Variants in ZFAND3 observed in about 807,000 individuals in gnomAD.
ZFAND3 encodes AN1-type zinc finger protein 3.
In ZFAND3, 10 loss-of-function variants were observed where a neutral mutation model predicts 29.6. The observed-to-expected ratio is 0.34, with a 90% CI of 0.21 to 0.57. ZFAND3 has a LOEUF of 0.57. Among genes scored for constraint, ZFAND3 ranks in the 20% least tolerant of loss-of-function variants. ZFAND3 has a pLI of 0.86. For missense variants in ZFAND3, 230 were observed against 304.5 expected (o/e 0.76, Z 1.82); for synonymous variants, 128 against 112.6 (o/e 1.14, Z -0.87).
At chr6:38,013,530 A>T (rs965997733) in intron 2 of ZFAND3, among the ~76,000 whole-genome samples, 1 of 152,206 alleles carries the variant, frequency 6.6e-6, no homozygotes, top group Admixed American at 6.5e-5. Context: ...TAGAAAGCAC[A>T]CAGTATTTGC....
intron 3 of ZFAND3, among the ~76,000 whole-genome samples, chr6:38,080,557 T>A (rs1411648515): frequency 2.0e-5 from 3 of 152,160 alleles, no homozygotes; most frequent in African/African-American, 7.2e-5. Context: ...ATTGGCAGTT[T>A]TACTATTTCC....
In ZFAND3 at chr6:37,952,921, A is replaced by G. The variant is rs972058298; in HGVS notation, c.112+22922A>G. 2.7e-5 allele frequency among the ~76,000 whole-genome samples: 4 copies of G among 147,650 alleles called. No homozygotes were observed. In the East Asian group the frequency reaches 8.0e-4, roughly 30 times the overall value. ...CTTGATGGTCTAGTCTCGGTGGGAA[A>G]TATTCTTCCTGGCTATGTCTAGTTG... On this transcript the variant is annotated intron_variant, in intron 2 of 5. Transcript: ENST00000287218.
intron 2 of ZFAND3, among the ~76,000 whole-genome samples, chr6:38,045,694 G>A (rs1354511916): frequency 6.6e-6 from 1 of 152,092 alleles, no homozygotes; most frequent in African/African-American, 2.4e-5. Flanking sequence ...TCTAATAAGA[G>A]TAGTTGAGTA....
chr6:38,023,704 T>C (rs1173260559), intron 2 of ZFAND3, among the ~76,000 whole-genome samples: 1 of 152,230 alleles, frequency 6.6e-6, no homozygotes, highest in Non-Finnish European at 1.5e-5. Context: ...CTTTTACTTG[T>C]CTGGAAAAAT....
At chr6:37,833,653 C>T (rs1461189814) in intron 1 of ZFAND3, among the ~76,000 whole-genome samples, 4 of 151,776 alleles carry the variant, frequency 2.6e-5, no homozygotes, top group African/African-American at 9.7e-5. Flanking sequence ...AGTGAAACCT[C>T]GTCTCTACTA....
At chr6:38,061,462 G>A (rs1340782925) in intron 2 of ZFAND3, 131 bp from the exon 3 acceptor site, 36 of 1,141,154 alleles carry the variant, frequency 3.2e-5, no homozygotes, top group Non-Finnish European at 4.4e-5. Context: ...TACTCCCATG[G>A]TTTTTTAGTC....
rs536899131 is a variant in ZFAND3 at position 38,154,515 on chromosome 6, A to G, written c.*2126A>G. 4.1e-6 allele frequency: 4 copies of G among 981,148 alleles called. No individual in the cohort carries two copies. The highest frequency in any genetic ancestry group is 1.1e-4 in the East Asian group (1 of 8,784). The allele number at this position is 981,148 out of a possible 1,614,324, so 60.8% of individuals were successfully genotyped here. ...TTGTGTTCTAGATTTACTTACACAC[A>G]TAGCCTAGAGCTCAGTTTTAGTTTT... is the stretch of plus-strand genomic sequence containing the variant. On this transcript the variant is annotated 3_prime_UTR_variant, in exon 6 of 6. Transcript: ENST00000287218.
chr6:38,021,480 A>G (rs2127447592), intron 2 of ZFAND3, among the ~76,000 whole-genome samples: 1 of 152,324 alleles, frequency 6.6e-6, no homozygotes, highest in East Asian at 1.9e-4. Flanking sequence ...CCCCAGGACT[A>G]GAATTTTTCA....
chr6:38,077,594 A>G (rs1764579923), intron 3 of ZFAND3, among the ~76,000 whole-genome samples: 2 of 152,056 alleles, frequency 1.3e-5, no homozygotes, highest in African/African-American at 2.4e-5. Context: ...GTGGTAGTCT[A>G]TTTTTTTCTA....
intron 1 of ZFAND3, among the ~76,000 whole-genome samples, chr6:37,925,835 T>C (rs1761475023): frequency 6.6e-6 from 1 of 152,244 alleles, no homozygotes; most frequent in African/African-American, 2.4e-5. Flanking sequence ...TTTGAAATAC[T>C]AAGTTTGAGT....
intron 4 of ZFAND3, among the ~76,000 whole-genome samples, chr6:38,094,977 G>A (rs79616439): frequency 0.062 from 9,386 of 152,102 alleles, 363 homozygotes; most frequent in Non-Finnish European, 0.087. Flanking sequence ...TAGCATTTTG[G>A]ATTTCAGATT....
At chr6:37,860,708 C>G (rs545148581) in intron 1 of ZFAND3, among the ~76,000 whole-genome samples, 2 of 132,136 alleles carry the variant, frequency 1.5e-5, no homozygotes, top group African/African-American at 5.7e-5. Context: ...TTACTCTTCT[C>G]TGTTTGTGAC....
chr6:37,941,190 G>T lies in ZFAND3; in HGVS notation c.112+11191G>T, dbSNP rs181045689. ...AAGAACTGAGATTTGATCAATGGAA[G>T]TTTAGACTTGGATCTAATCTCCACT... On this transcript the variant is annotated intron_variant, in intron 2 of 5. Transcript: ENST00000287218. Among the ~76,000 whole-genome samples the T allele has an allele frequency of 1.3e-3, 201 of 152,336 alleles. 1 individual carries two copies. Among genetic ancestry groups the T allele is most frequent in the African/African-American group, 4.6e-3 (193 of 41,572 alleles).
chr6:38,036,571 G>A lies in ZFAND3; in HGVS notation c.113-25022G>A, dbSNP rs1223935725. On this transcript the variant is annotated intron_variant, in intron 2 of 5. Coordinates refer to ENST00000287218, the MANE Select transcript of ZFAND3 (RefSeq NM_021943.3). Reference sequence around the variant, plus strand: ...GATGTTGGATTTAGACCAAGACTTCGAATTATAAATACATTTCAAAATTAA... The same window carrying A: ...GATGTTGGATTTAGACCAAGACTTCAAATTATAAATACATTTCAAAATTAA... 2.6e-5 allele frequency among the ~76,000 whole-genome samples: 4 copies of A among 152,086 alleles called. No individual in the cohort carries two copies. The Middle Eastern group carries it at 0.01, about 391-fold the overall frequency.
intron 2 of ZFAND3, among the ~76,000 whole-genome samples, chr6:38,029,002 C>T (rs768202404): frequency 4.6e-5 from 7 of 152,064 alleles, no homozygotes; most frequent in African/African-American, 4.8e-5. Context: ...ATGTCTTTCT[C>T]GACTGTCTTG....
intron 2 of ZFAND3, among the ~76,000 whole-genome samples, chr6:38,013,301 T>C (rs1763193343): frequency 6.6e-6 from 1 of 152,250 alleles, no homozygotes; most frequent in Admixed American, 6.5e-5. Context: ...CCTTTGATTC[T>C]ACTTCAGTCT....
intron 1 of ZFAND3, among the ~76,000 whole-genome samples, chr6:37,839,759 T>C (rs1195626185): frequency 1.3e-5 from 2 of 151,944 alleles, no homozygotes; most frequent in East Asian, 3.9e-4. Context: ...GTGATCCACC[T>C]GCCTCCGCCT....
chr6:38,012,624 G>A (rs774278065), intron 2 of ZFAND3, among the ~76,000 whole-genome samples: 11 of 152,064 alleles, frequency 7.2e-5, no homozygotes, highest in East Asian at 1.9e-4. Context: ...TGATCCAGCC[G>A]CCTCGGCCTT....
At chr6:38,056,302 G>GA (rs1196447200) in intron 2 of ZFAND3, among the ~76,000 whole-genome samples, 1 of 151,958 alleles carries the variant, frequency 6.6e-6, no homozygotes, top group Non-Finnish European at 1.5e-5. Context: ...TTGCTAAGAG[G>GA]AAAAAAATAG....
Sources: gnomAD v4.1 joint callset for allele counts (sites outside exome capture counted in the v4.1 genomes callset) on GRCh38, gnomAD v4.1.1 for gene constraint, MANE v1.5 for transcripts, NCBI Gene and HGNC (gene_info 2026-07-23, HGNC 2026-07-21) for gene names.